The following PGS1 variants were observed in gnomAD, a reference collection of about 807,000 sequenced individuals.
The protein encoded by PGS1 is phosphatidylglycerophosphate synthase 1, also known as CDP-diacylglycerol--glycerol-3-phosphate 3-phosphatidyltransferase, mitochondrial.
A neutral mutation model predicts 58.3 loss-of-function variants in PGS1; 44 were observed. The ratio of observed to expected loss-of-function variants is 0.75; its 90% CI spans 0.59 to 0.97. The LOEUF is 0.97. Ranked by LOEUF, PGS1 falls within the 50% of genes least tolerant of loss-of-function variation. PGS1 has a pLI of 0.00. For missense variants in PGS1, 684 were observed against 731.1 expected (o/e 0.94, Z 0.74); for synonymous variants, 330 against 311.0 (o/e 1.06, Z -0.64).
intron 5 of PGS1, chr17:78,399,839 C>T (rs932566454): frequency 6.7e-5 from 28 of 416,434 alleles, no homozygotes; most frequent in Non-Finnish European, 1.2e-4. Flanking sequence ...CATGTGGAAA[C>T]AGATCAGAGA....
intron 9 of PGS1, chr17:78,420,097 G>A (rs2146348535): frequency 9.5e-7 from 1 of 1,052,088 alleles, no homozygotes; most frequent in South Asian, 3.1e-5. Flanking sequence ...TTGCTCGTGA[G>A]AGTGGCTCTG....
At chr17:78,423,311 G>C (rs551043708) in intron 9 of PGS1, among the ~76,000 whole-genome samples, 22 of 152,278 alleles carry the variant, frequency 1.4e-4, no homozygotes, top group African/African-American at 5.3e-4. Flanking sequence ...GGGCTTGCTT[G>C]TGGGAACGGC....
chr17:78,381,348 T>G (rs2082024266), intron 1 of PGS1, among the ~76,000 whole-genome samples: 1 of 152,220 alleles, frequency 6.6e-6, no homozygotes, highest in Non-Finnish European at 1.5e-5. Flanking sequence ...ACAGAAGTTT[T>G]TGCTTTGTAA....
intron 1 of PGS1, among the ~76,000 whole-genome samples, chr17:78,388,057 C>G (rs2146099238): frequency 6.6e-6 from 1 of 152,320 alleles, no homozygotes; most frequent in African/African-American, 2.4e-5. Context: ...CATAATGTAT[C>G]CATGAAACGT....
intron 7 of PGS1, among the ~76,000 whole-genome samples, chr17:78,406,958 C>T (rs2084201965): frequency 6.6e-6 from 1 of 152,216 alleles, no homozygotes; most frequent in South Asian, 2.1e-4. Context: ...GAGCTGACTC[C>T]CCAGTTACCG....
intron 1 of PGS1, among the ~76,000 whole-genome samples, chr17:78,386,940 A>AGATGGTGAT (rs1449951135): frequency 4.6e-5 from 7 of 151,670 alleles, no homozygotes; most frequent in Non-Finnish European, 8.8e-5. Context: ...TGTTGCAGTT[A>AGATGGTGAT]GATGGTGATG....
intron 1 of PGS1, among the ~76,000 whole-genome samples, chr17:78,379,956 T>G (rs1218758338): frequency 6.6e-6 from 1 of 151,528 alleles, no homozygotes; most frequent in Admixed American, 6.6e-5. Flanking sequence ...AATCTCCACC[T>G]TCCAGGTTCA....
intron 8 of PGS1, among the ~76,000 whole-genome samples, chr17:78,416,776 C>G (rs1317940578): frequency 6.6e-6 from 1 of 152,180 alleles, no homozygotes; most frequent in Non-Finnish European, 1.5e-5. Flanking sequence ...AAATATGTTT[C>G]CAGATAATTC....
At chr17:78,384,663 GTT>G (rs2082256528) in intron 1 of PGS1, among the ~76,000 whole-genome samples, 1 of 152,178 alleles carries the variant, frequency 6.6e-6, no homozygotes, top group South Asian at 2.1e-4. Context: ...ACCGACCTGT[GTT>G]TGGTATGGAG....
At chr17:78,392,753 T>G (rs1164843896) in intron 2 of PGS1, 88 bp downstream of exon 2, 9 of 974,826 alleles carry the variant, frequency 9.2e-6, no homozygotes, top group Non-Finnish European at 1.2e-5. Flanking sequence ...GTCTAGAAAC[T>G]TTGGATAGCT....
chr17:78,409,823 T>G (rs1283316886), intron 7 of PGS1, among the ~76,000 whole-genome samples: 1 of 152,192 alleles, frequency 6.6e-6, no homozygotes, highest in Non-Finnish European at 1.5e-5. Context: ...GCCTTAGAAC[T>G]GCAAAGGCCT....
chr17:78,384,749 C>G (rs1045675295), intron 1 of PGS1, among the ~76,000 whole-genome samples: 2 of 152,226 alleles, frequency 1.3e-5, no homozygotes, highest in African/African-American at 4.8e-5. Context: ...GTCCTACATA[C>G]CCTGTTTTGA....
intron 1 of PGS1, among the ~76,000 whole-genome samples, chr17:78,381,172 G>A (rs2082010655): frequency 6.6e-6 from 1 of 152,140 alleles, no homozygotes; most frequent in Non-Finnish European, 1.5e-5. Context: ...GGTGGGAGGG[G>A]CAGTGTGGCA....
At chr17:78,397,985 C>T (rs2083369542) in intron 3 of PGS1, 2 of 557,792 alleles carry the variant, frequency 3.6e-6, no homozygotes, top group South Asian at 3.1e-5. Flanking sequence ...GTGGCACGGG[C>T]TGGCTGTCAG....
Position 78,403,862 on chromosome 17 carries a change from C to T in PGS1, c.1175C>T (p.Thr392Ile), listed in dbSNP as rs753119838. Residue 392 changes from threonine (T) to isoleucine (I), a missense_variant, in exon 7 of 10, where the codon ACC (threonine) becomes ATC (isoleucine). By Grantham distance (89) the Thr-to-Ile change is moderately conservative. Coordinates refer to ENST00000262764, the MANE Select transcript of PGS1 (RefSeq NM_024419.5). ...CTCACCACTGGCTATTTCAACCTGA[C>T]CCAGGCCTACATGGACCTGGTCTTG... ...VYLTTGYFNL[T>I]QAYMDLVLGT... 6.2e-7 allele frequency: 1 copy of T among 1,614,256 alleles called. No homozygotes were observed. The highest frequency in any genetic ancestry group is 1.7e-5 in the Admixed American group (1 of 60,030).
At chr17:78,410,653 T>C (rs2084590572) in intron 7 of PGS1, among the ~76,000 whole-genome samples, 1 of 151,750 alleles carries the variant, frequency 6.6e-6, no homozygotes, top group Admixed American at 6.6e-5. Context: ...TTTGTATTTT[T>C]AGTAGAGATG....
intron 4 of PGS1, 53 bp downstream of exon 4, chr17:78,398,404 C>T: frequency 8.2e-7 from 1 of 1,213,442 alleles, no homozygotes. Context: ...GATCCTCAGT[C>T]CCAAGAGGGG....
chr17:78,396,156 T>C lies in PGS1; in HGVS notation c.334-152T>C, dbSNP rs975660530. The C allele has an allele frequency of 6.2e-6, 4 of 643,620 alleles. No homozygotes were observed. In the Admixed American group the frequency reaches 9.9e-5, roughly 16 times the overall value. 39.9% of individuals were successfully genotyped at this position (643,620 alleles called of 1,614,324 possible). A position where few individuals can be genotyped will look rare whatever the true frequency, so the allele number is the denominator to read the frequency against. ...TGGGACCTTATTTGGGAGGTTACCA[T>C]ACACGTTTCGAGCTTGCTTTAAATA... On this transcript the variant is annotated intron_variant, in intron 2 of 9. Transcript: ENST00000262764.
chr17:78,383,802 C>T (rs1290971217), intron 1 of PGS1, among the ~76,000 whole-genome samples: 6 of 152,208 alleles, frequency 3.9e-5, no homozygotes, highest in Admixed American at 6.5e-5. Context: ...CTGACTTTCT[C>T]AATTGTAGCT....
Sources: allele counts gnomAD v4.1 joint callset (sites outside exome capture counted in the v4.1 genomes callset), GRCh38; gene constraint gnomAD v4.1.1; transcripts MANE v1.5; gene names NCBI Gene and HGNC (gene_info 2026-07-23, HGNC 2026-07-21).